NELL1: variants seen among roughly 807,000 people sequenced by gnomAD.
NELL1 encodes neural EGFL like 1, also known as protein kinase C-binding protein NELL1.
Under a neutral mutation model 107.4 loss-of-function variants are expected in NELL1, and 76 were observed. The observed-to-expected ratio is 0.71, with a 90% CI of 0.59 to 0.86. The LOEUF (loss-of-function observed/expected upper bound fraction) is 0.86. NELL1 is among the 40% of genes least tolerant of loss of function. The pLI, the probability that NELL1 is intolerant of heterozygous loss-of-function variation, is 0.00. For missense variants in NELL1, 1,024 were observed against 1,005.5 expected, an observed-to-expected ratio of 1.02 and a Z score of -0.25; for synonymous variants, 353 against 341.2, an observed-to-expected ratio of 1.03 and a Z score of -0.38.
At chr11:21,253,291 C>T (rs1299501679) in intron 14 of NELL1, among the ~76,000 whole-genome samples, 2 of 151,938 alleles carry the variant, frequency 1.3e-5, no homozygotes, top group Non-Finnish European at 2.9e-5. Context: ...AGTTTCATGG[C>T]TATTTTTATC....
chr11:21,356,987 T>G (rs1443151039), intron 14 of NELL1, among the ~76,000 whole-genome samples: 2 of 152,224 alleles, frequency 1.3e-5, no homozygotes, highest in Admixed American at 1.3e-4. Context: ...ATTTCTTCAT[T>G]CCTTTTTATG....
At chr11:20,867,428 G>A (rs140853769) in intron 4 of NELL1, among the ~76,000 whole-genome samples, 6 of 152,332 alleles carry the variant, frequency 3.9e-5, no homozygotes, top group South Asian at 2.1e-4. Flanking sequence ...GGATAAGGAG[G>A]AGGAGAAAGA....
intron 3 of NELL1, among the ~76,000 whole-genome samples, chr11:20,842,510 T>C (rs561715730): frequency 2.0e-5 from 3 of 152,160 alleles, no homozygotes; most frequent in African/African-American, 7.2e-5. Flanking sequence ...GAGGGCATCA[T>C]GAGAACCATG....
chr11:20,699,774 A>G (rs1009081333), intron 2 of NELL1, among the ~76,000 whole-genome samples: 1 of 152,134 alleles, frequency 6.6e-6, no homozygotes, highest in Non-Finnish European at 1.5e-5. Flanking sequence ...TTATATAATG[A>G]CTTTTCCTCT....
intron 15 of NELL1, among the ~76,000 whole-genome samples, chr11:21,405,064 T>C (rs193279093): frequency 2.6e-5 from 4 of 152,186 alleles, no homozygotes; most frequent in Admixed American, 2.0e-4. Flanking sequence ...GTTAAAATTC[T>C]ATGAAGATTC....
chr11:21,446,823 T>C (rs1853444224), intron 15 of NELL1, among the ~76,000 whole-genome samples: 1 of 152,168 alleles, frequency 6.6e-6, no homozygotes, highest in South Asian at 2.1e-4. Context: ...ATCAGCACAT[T>C]GTGAGGCCAG....
intron 15 of NELL1, among the ~76,000 whole-genome samples, chr11:21,374,877 CTGTGTGTGTCTGTGTGTGTGTG>C (rs1851434800): frequency 1.1e-5 from 1 of 89,808 alleles, no homozygotes; most frequent in African/African-American, 4.2e-5. Context: ...GTGGAACTGA[CTGTGTGTGTCTGTGTGTGTGTG>C]TGTGTGTGTG....
In NELL1 at chr11:21,342,090, G is replaced by A. The variant is rs140126142; in HGVS notation, c.1550-28763G>A. On this transcript the variant is annotated intron_variant, in intron 14 of 19. Transcript: ENST00000357134. ...TGTAATACCATTGTCTTCACTGTAT[G>A]TGGAGTGCCTACAGAAAGCCTGGGT... 1.1e-4 allele frequency among the ~76,000 whole-genome samples: 16 copies of A among 152,294 alleles called. No homozygotes were observed. In the East Asian group the frequency reaches 3.1e-3, roughly 29 times the overall value.
chr11:21,291,373 C>A (rs922288619), intron 14 of NELL1, among the ~76,000 whole-genome samples: 5 of 151,896 alleles, frequency 3.3e-5, no homozygotes, highest in African/African-American at 1.2e-4. Context: ...GCACTAAATG[C>A]CCATGGAAGA....
intron 14 of NELL1, 151 bp downstream of exon 14, chr11:21,229,605 G>A: frequency 3.7e-6 from 4 of 1,088,632 alleles, no homozygotes; most frequent in Non-Finnish European, 3.9e-6. Context: ...TGTGCGTCAG[G>A]GAAAAAGAAA....
At chr11:21,419,342 A>T (rs960901900) in intron 15 of NELL1, among the ~76,000 whole-genome samples, 16 of 152,140 alleles carry the variant, frequency 1.1e-4, no homozygotes, top group Admixed American at 3.9e-4. Flanking sequence ...TGGAAAAAAA[A>T]TTCTATCAAC....
chr11:20,801,388 C>T (rs1857278688), intron 3 of NELL1, among the ~76,000 whole-genome samples: 1 of 152,142 alleles, frequency 6.6e-6, no homozygotes, highest in Non-Finnish European at 1.5e-5. Flanking sequence ...AGATTTTGCC[C>T]TTTCAGACCT....
intron 14 of NELL1, among the ~76,000 whole-genome samples, chr11:21,254,915 C>T (rs899723655): frequency 6.6e-6 from 1 of 152,068 alleles, no homozygotes; most frequent in Non-Finnish European, 1.5e-5. Context: ...TTCAAACACT[C>T]ATTGAATTGC....
intron 2 of NELL1, among the ~76,000 whole-genome samples, chr11:20,679,087 G>A (rs577850036): frequency 3.3e-5 from 5 of 152,312 alleles, no homozygotes; most frequent in Middle Eastern, 3.4e-3. Context: ...GGTTACATGG[G>A]ACCCTGTTGT....
chr11:21,277,612 C>T (rs186821694), intron 14 of NELL1, among the ~76,000 whole-genome samples: 10 of 152,192 alleles, frequency 6.6e-5, no homozygotes, highest in East Asian at 3.9e-4. Flanking sequence ...ATGTTTATTG[C>T]GGCACTATTC....
chr11:20,905,960 C>T (rs1849988712), intron 5 of NELL1, among the ~76,000 whole-genome samples: 1 of 152,004 alleles, frequency 6.6e-6, no homozygotes, highest in African/African-American at 2.4e-5. Flanking sequence ...GTAAGATAAA[C>T]TCAAAGGTAT....
chr11:21,027,070 T>C (rs1271231312), intron 12 of NELL1, among the ~76,000 whole-genome samples: 1 of 152,128 alleles, frequency 6.6e-6, no homozygotes, highest in East Asian at 1.9e-4. Context: ...TAGCATTTAT[T>C]TTCCTCTCAC....
intron 14 of NELL1, among the ~76,000 whole-genome samples, chr11:21,288,568 G>A (rs934448260): frequency 6.6e-6 from 1 of 152,194 alleles, no homozygotes; most frequent in African/African-American, 2.4e-5. Context: ...CCACACAGGA[G>A]CAGTGTGACA....
Position 20,669,878 on chromosome 11 carries a change from G to A in NELL1, c.55+100G>A, listed in dbSNP as rs1853852819. 2.0e-6 allele frequency: 2 copies of A among 979,272 alleles called. No individual in the cohort carries two copies. Among genetic ancestry groups the A allele is most frequent in the Middle Eastern group, 2.1e-4 (1 of 4,848 alleles). The allele number at this position is 979,272 out of a possible 1,614,324, so 60.7% of individuals were successfully genotyped here. ...TGGAGCCGAGCTTTGCGCTGGTCTG[G>A]GGAACGGCGGTAGCGTGGACCGGTT... On this transcript the variant is annotated intron_variant, in intron 1 of 19. Coordinates refer to ENST00000357134, the MANE Select transcript of NELL1 (RefSeq NM_006157.5). This position sits in a 1 kb window ranked among gnomAD's most constrained non-coding sequence, Gnocchi z 4.4.
Sources: allele counts gnomAD v4.1 joint callset (sites outside exome capture counted in the v4.1 genomes callset), GRCh38; gene constraint gnomAD v4.1.1; non-coding constraint Gnocchi (gnomAD v3.1); transcripts MANE v1.5; gene names NCBI Gene and HGNC (gene_info 2026-07-23, HGNC 2026-07-21).